The following TGM6 variants were observed in gnomAD, a reference collection of about 807,000 sequenced individuals.
TGM6 encodes protein-glutamine gamma-glutamyltransferase 6.
Under a neutral mutation model 77.5 loss-of-function variants are expected in TGM6, and 74 were observed. The observed-to-expected ratio is 0.96, with a 90% confidence interval of 0.79 to 1.16. The LOEUF is 1.16. TGM6 is among the 50% of genes most tolerant of loss of function. The pLI, the probability that TGM6 is intolerant of heterozygous loss-of-function variation, is 0.00. For synonymous variants in TGM6, 383 were observed against 378.9 expected, an observed-to-expected ratio of 1.01 and a Z score of -0.12; for missense variants, 968 against 940.2, an observed-to-expected ratio of 1.03 and a Z score of -0.39.
chr20:2,403,682 T>C lies in TGM6; in HGVS notation c.1195T>C (p.Tyr399His). 1 of 1,614,202 alleles carries C rather than the reference T, an allele frequency of 6.2e-7. No homozygotes were observed. The highest frequency in any genetic ancestry group is 8.5e-7 in the Non-Finnish European group (1 of 1,180,040). ...CGTGTTTGCGGAGGTCAACGCCGAC[T>C]ACATCACCTGGCTGTGGCACGAGGA... is the stretch of plus-strand genomic sequence containing the variant. ...PFVFAEVNAD[Y>H]ITWLWHEDES... The change falls in exon 9 of 13, where the codon TAC becomes CAC. Residue 399 changes from tyrosine (Y) to histidine (H), a missense_variant. Transcript: ENST00000202625.
At chr20:2,394,417 C>T (rs771401512) in intron 1 of TGM6, 35 bp from the exon 2 acceptor site, 4 of 1,608,900 alleles carry the variant, frequency 2.5e-6, no homozygotes, top group East Asian at 4.5e-5. Flanking sequence ...AAACAGGAGG[C>T]CGTGGCCTCA....
intron 7 of TGM6, among the ~76,000 whole-genome samples, chr20:2,401,433 CCCCGCCTTTT>C (rs1372086211): frequency 2.0e-5 from 3 of 152,144 alleles, no homozygotes; most frequent in Admixed American, 6.5e-5. Context: ...TACAGTGCCT[CCCCGCCTTTT>C]CCCTGCTTAA....
In TGM6 at chr20:2,432,613, T is replaced by C. The variant is rs571222771; in HGVS notation, c.2091T>C (p.Phe697=). The change falls in exon 13 of 13, where the codon TTT becomes TTC. Residue 697 remains phenylalanine, a synonymous_variant. Coordinates refer to ENST00000202625, the MANE Select transcript of TGM6 (RefSeq NM_198994.3). ...CTCACTTCCCGGACATCAAGGGCTT[T>C]GTGATCGTCCATGTGGCCACTGCCA... ...VSPHFPDIKG[F]VIVHVATAK 76 of 1,614,106 alleles carry C rather than the reference T, an allele frequency of 4.7e-5. No homozygotes were observed. The South Asian group carries it at 8.1e-4, about 17-fold the overall frequency.
At chr20:2,398,291 T>C (rs1241353864) in intron 5 of TGM6, among the ~76,000 whole-genome samples, 1 of 152,196 alleles carries the variant, frequency 6.6e-6, no homozygotes, top group Non-Finnish European at 1.5e-5. Flanking sequence ...CTTCTGGGGA[T>C]ATCTTAATGA....
At chr20:2,407,292 T>C (rs1335309387) in intron 9 of TGM6, among the ~76,000 whole-genome samples, 1 of 152,226 alleles carries the variant, frequency 6.6e-6, no homozygotes, top group Non-Finnish European at 1.5e-5. Flanking sequence ...GTAAGCAATG[T>C]CCAAGCATTA....
chr20:2,429,486 A>T (rs2084909484), intron 10 of TGM6, among the ~76,000 whole-genome samples: 1 of 151,394 alleles, frequency 6.6e-6, no homozygotes, highest in Admixed American at 6.6e-5. Flanking sequence ...AAAAACAAAT[A>T]TGGTCCAGGC....
At chr20:2,428,972 A>T (rs75694496) in intron 10 of TGM6, among the ~76,000 whole-genome samples, 1 of 151,618 alleles carries the variant, frequency 6.6e-6, no homozygotes, top group African/African-American at 2.4e-5. Context: ...TATAGGCACA[A>T]CACCACGCCC....
At chr20:2,419,644 TAAATATTGCA>T (rs940697874) in intron 10 of TGM6, among the ~76,000 whole-genome samples, 1 of 152,266 alleles carries the variant, frequency 6.6e-6, no homozygotes, top group African/African-American at 2.4e-5. Flanking sequence ...CAGTTCTGGT[TAAATATTGCA>T]AATAGTCATT....
chr20:2,383,217 G>C (rs2084567873), intron 1 of TGM6, among the ~76,000 whole-genome samples: 2 of 152,254 alleles, frequency 1.3e-5, no homozygotes, highest in African/African-American at 4.8e-5. Flanking sequence ...ATTATGCTTA[G>C]TCCAGAGTCT....
chr20:2,417,213 G>C lies in TGM6; in HGVS notation c.1337-19G>C. 6.3e-7 allele frequency: 1 copy of C among 1,579,924 alleles called. No homozygotes were observed. The highest frequency in any genetic ancestry group is 8.6e-7 in the Non-Finnish European group (1 of 1,162,862). ...GAGCAAGGGGGTGCCTGCCGCTGACGTTGTGTGATGCCCTGCAGGGTCCCG... is the reference window on the plus strand; with the variant it reads ...GAGCAAGGGGGTGCCTGCCGCTGACCTTGTGTGATGCCCTGCAGGGTCCCG... On this transcript the variant is annotated intron_variant, in intron 9 of 12. Coordinates refer to ENST00000202625, the MANE Select transcript of TGM6 (RefSeq NM_198994.3).
chr20:2,395,273 A>C lies in TGM6; in HGVS notation c.261A>C (p.Ala87=), dbSNP rs1024293448. The C allele has an allele frequency of 6.2e-7, 1 of 1,614,196 alleles. No homozygotes were observed. The highest frequency in any genetic ancestry group is 8.5e-7 in the Non-Finnish European group (1 of 1,180,034). The change falls in exon 3 of 13, where the codon GCA becomes GCC. Residue 87 remains alanine, a synonymous_variant. Coordinates refer to ENST00000202625, the MANE Select transcript of TGM6 (RefSeq NM_198994.3). Reference sequence around the variant, plus strand: ...TGGAGCGGGGTGAGGGCTGGACAGCAGCAAGGGAGGCTCAGATGGAGAAAA... The same window carrying C: ...TGGAGCGGGGTGAGGGCTGGACAGCCGCAAGGGAGGCTCAGATGGAGAAAA... The part of the protein sequence containing the change: ...SELERGEGWT[A]AREAQMEKTL...
At chr20:2,423,729 T>A (rs2084871046) in intron 10 of TGM6, among the ~76,000 whole-genome samples, 1 of 152,178 alleles carries the variant, frequency 6.6e-6, no homozygotes, top group Non-Finnish European at 1.5e-5. Flanking sequence ...TCCAGAAGGT[T>A]TTCAATTGAC....
Position 2,399,626 on chromosome 20 carries a change from C to A in TGM6, c.738C>A (p.Thr246=), listed in dbSNP as rs778766455. 1 of 1,613,596 alleles carries A rather than the reference C, an allele frequency of 6.2e-7. No individual in the cohort carries two copies. Among genetic ancestry groups the A allele is most frequent in the Non-Finnish European group, 8.5e-7 (1 of 1,179,976 alleles). Residue 246 remains threonine, a synonymous_variant, in exon 6 of 13, where the codon ACC becomes ACA. Transcript: ENST00000202625. ...GQWQGKYGGG[T]SPLHWRGSVA... ...GGCAGGGCAAGTACGGCGGCGGCAC[C>A]AGCCCGCTGCACTGGCGCGGCAGCG...
At position 2,417,470 on chromosome 20, in the gene TGM6, G is replaced by T; in HGVS notation, c.1575G>T (p.Gln525His). ...LCLANLTSRA[Q>H]RVRVNLSGAT... ...TGGCCAACCTCACCTCCCGGGCCCA[G>T]CGGGTGAGGGTCAACCTGAGCGGTG... Residue 525 changes from glutamine (Q) to histidine (H), a missense_variant, in exon 10 of 13, where the codon CAG becomes CAT. Gln to His is a conservative substitution (Grantham distance 24). Transcript: ENST00000202625. The T allele has an allele frequency of 1.9e-6, 3 of 1,610,608 alleles. No individual in the cohort carries two copies. The highest frequency in any genetic ancestry group is 2.5e-6 in the Non-Finnish European group (3 of 1,179,922).
chr20:2,388,780 T>C (rs1229783933), intron 1 of TGM6, among the ~76,000 whole-genome samples: 1 of 152,206 alleles, frequency 6.6e-6, no homozygotes, highest in Non-Finnish European at 1.5e-5. Context: ...GGAAGATTTA[T>C]TAAATAAAAC....
chr20:2,404,706 T>A (rs1298902273), intron 9 of TGM6, among the ~76,000 whole-genome samples: 1 of 152,026 alleles, frequency 6.6e-6, no homozygotes, highest in Non-Finnish European at 1.5e-5. Context: ...AATAATGTGA[T>A]CTCAGCTCAC....
chr20:2,430,654 G>A (rs1351756841), intron 11 of TGM6, 54 bp downstream of exon 11: 1 of 1,611,666 alleles, frequency 6.2e-7, no homozygotes, highest in South Asian at 1.1e-5. Context: ...ACTCCCCAGA[G>A]CTGGGGGAGG....
chr20:2,390,123 C>T (rs180947754), intron 1 of TGM6, among the ~76,000 whole-genome samples: 119 of 152,236 alleles, frequency 7.8e-4, no homozygotes, highest in African/African-American at 1.7e-3. Context: ...CGAGATGTTC[C>T]GTGATTCTTT....
At chr20:2,424,858 T>C (rs1017106284) in intron 10 of TGM6, among the ~76,000 whole-genome samples, 17 of 152,188 alleles carry the variant, frequency 1.1e-4, no homozygotes, top group African/African-American at 3.9e-4. Flanking sequence ...GTTTATTAAT[T>C]GGCCTAATTT....
Sources: gnomAD v4.1 joint callset for allele counts (sites outside exome capture counted in the v4.1 genomes callset) on GRCh38, gnomAD v4.1.1 for gene constraint, MANE v1.5 for transcripts, NCBI Gene and HGNC (gene_info 2026-07-23, HGNC 2026-07-21) for gene names.